The following GABRD variants were observed in gnomAD, a reference collection of about 807,000 sequenced individuals.
GABRD encodes the protein gamma-aminobutyric acid receptor subunit delta.
In GABRD, 25 loss-of-function variants were observed where a neutral mutation model predicts 47.3. The ratio of observed to expected loss-of-function variants is 0.53; its 90% CI spans 0.39 to 0.74. The LOEUF is 0.74. Among genes scored for constraint, GABRD ranks in the 30% least tolerant of loss-of-function variants. GABRD has a pLI of 0.00. For missense variants in GABRD, 497 were observed against 643.4 expected, an observed-to-expected ratio of 0.77 and a Z score of 2.46; for synonymous variants, 314 against 278.8, an observed-to-expected ratio of 1.13 and a Z score of -1.26.
chr1:2,029,729 G>A lies in GABRD; in HGVS notation c.1026G>A (p.Lys342=), dbSNP rs780175857. The change falls in exon 8 of 9, where the codon AAG becomes AAA. Residue 342 remains lysine, a synonymous_variant. Transcript: ENST00000378585. ...ACGCCGACTACAGGAAGAAGCAGAA[G>A]GCCAAGGTCAAGGTCTCCAGGCCGA... ...HFNADYRKKQ[K]AKVKVSRPRA... 1.9e-6 allele frequency: 3 copies of A among 1,613,328 alleles called. No individual in the cohort carries two copies. The highest frequency in any genetic ancestry group is 2.5e-6 in the Non-Finnish European group (3 of 1,180,022).
chr1:2,029,113 G>A lies in GABRD; in HGVS notation c.694G>A (p.Gly232Ser). 6.5e-7 allele frequency: 1 copy of A among 1,541,230 alleles called. No individual in the cohort carries two copies. Among genetic ancestry groups the A allele is most frequent in the Non-Finnish European group, 8.7e-7 (1 of 1,146,902 alleles). Residue 232 changes from glycine (G) to serine (S), a missense_variant and splice_region_variant, in exon 7 of 9, where the codon GGC becomes AGC. Coordinates refer to ENST00000378585, the MANE Select transcript of GABRD (RefSeq NM_000815.5). ...ACTGACGGTGGCTGTCCTGGCAGCT[G>A]GCCAGTTCCCACGGCTCAGCCTGCA... is the stretch of plus-strand genomic sequence containing the variant. The part of the protein sequence containing the change: ...TTELMNFKSA[G>S]QFPRLSLHFH...
At chr1:2,022,678 T>C (rs749961267) in intron 1 of GABRD, among the ~76,000 whole-genome samples, 1 of 152,284 alleles carries the variant, frequency 6.6e-6, no homozygotes, top group Non-Finnish European at 1.5e-5. Flanking sequence ...GCATTTTTAA[T>C]TGGCCGGGAC....
In GABRD at chr1:2,027,318, G is replaced by A. The variant is rs1217015060; in HGVS notation, c.471-259G>A. The stretch of plus-strand genomic sequence containing the variant: ...GGGTGTGAAGGCTGTCCCCTGCCCC[G>A]TAGGCCCCCAGCCTAGTTCAATAGT... On this transcript the variant is annotated intron_variant, in intron 4 of 8. Coordinates refer to ENST00000378585, the MANE Select transcript of GABRD (RefSeq NM_000815.5). 1.7e-5 allele frequency: 9 copies of A among 526,906 alleles called. 1 individual carries two copies. The highest frequency in any genetic ancestry group is 3.0e-5 in the Admixed American group (1 of 33,652). 32.6% of individuals were successfully genotyped at this position (526,906 alleles called of 1,614,324 possible).
chr1:2,023,847 G>A (rs920975278), intron 1 of GABRD: 3 of 152,220 alleles, frequency 2.0e-5, no homozygotes, highest in Non-Finnish European at 2.9e-5. Context: ...AACAACAGAC[G>A]CCTATTCTCT....
chr1:2,027,545 C>T (rs1167692350), intron 4 of GABRD, 32 bp from the exon 5 acceptor site: 1 of 1,595,910 alleles, frequency 6.3e-7, no homozygotes, highest in Non-Finnish European at 8.6e-7. Context: ...GGCCTCACCC[C>T]CAAGGCCTCA....
At position 2,025,097 on chromosome 1, in the gene GABRD, C is replaced by T. The variant is rs751788472; in HGVS notation, c.181+43C>T. On this transcript the variant is annotated intron_variant, in intron 2 of 8. Transcript: ENST00000378585. The stretch of plus-strand genomic sequence containing the variant: ...CCCGGCAGGCAGGAGCCGCTGGAGC[C>T]CAGGCTAGGCCGTGGCTGTGTGGCC... The T allele has an allele frequency of 6.1e-5, 93 of 1,525,736 alleles. No homozygotes were observed. In the South Asian group the frequency reaches 9.7e-4, roughly 16 times the overall value. The allele number at this position is 1,525,736 out of a possible 1,614,324, so 94.5% of individuals were successfully genotyped here.
rs773911493 is a variant in GABRD at position 2,024,969 on chromosome 1, G to A, written c.96G>A (p.Val32=). The change falls in exon 2 of 9, where the codon GTG becomes GTA. Residue 32 remains valine (V), a synonymous_variant. Coordinates refer to ENST00000378585, the MANE Select transcript of GABRD (RefSeq NM_000815.5). ...TRAMNDIGDY[V]GSNLEISWLP... is the part of the protein sequence containing the mutation. ...CGATGAATGACATCGGCGACTACGT[G>A]GGCTCCAACCTGGAGATCTCCTGGC... 3.1e-6 allele frequency: 5 copies of A among 1,612,872 alleles called. No individual in the cohort carries two copies. Among genetic ancestry groups the A allele is most frequent in the Non-Finnish European group, 4.2e-6 (5 of 1,179,780 alleles).
intron 1 of GABRD, among the ~76,000 whole-genome samples, chr1:2,023,172 A>C (rs1314540234): frequency 1.3e-5 from 2 of 152,104 alleles, no homozygotes; most frequent in African/African-American, 4.8e-5. Context: ...GGACCTGCTC[A>C]TGCAGCTCCC....
In GABRD at chr1:2,029,327, C is replaced by T. The variant is rs1659019257; in HGVS notation, c.847+61C>T. ...AGGGCGGCCCTGGGGAACAGGACTCCCCATCCCTCGGCTGGGGGCTCAGCA... is the reference window on the plus strand; with the variant it reads ...AGGGCGGCCCTGGGGAACAGGACTCTCCATCCCTCGGCTGGGGGCTCAGCA... On this transcript the variant is annotated intron_variant, in intron 7 of 8. Coordinates refer to ENST00000378585, the MANE Select transcript of GABRD (RefSeq NM_000815.5). 4.0e-6 allele frequency: 6 copies of T among 1,513,468 alleles called. No homozygotes were observed. In the Admixed American group the frequency reaches 1.2e-4, roughly 31 times the overall value. 93.8% of individuals were successfully genotyped at this position (1,513,468 alleles called of 1,614,324 possible). A position where few individuals can be genotyped will look rare whatever the true frequency, so the allele number is the denominator to read the frequency against.
At position 2,030,131 on chromosome 1, in the gene GABRD, A is replaced by C. The variant is rs41309443; in HGVS notation, c.1208A>C (p.Lys403Thr). ...GGGGTGGAGACAGGGGAGACGAAGA[A>C]GGAGGGGGCAGCCCGCTCAGGAGGC... ...SVGVETGETK[K>T]EGAARSGGQG... is the part of the protein sequence containing the mutation. The change falls in exon 9 of 9, where the codon AAG becomes ACG. Residue 403 changes from lysine to threonine, a missense_variant. Coordinates refer to ENST00000378585, the MANE Select transcript of GABRD (RefSeq NM_000815.5). The C allele has an allele frequency of 5.1e-6, 8 of 1,579,514 alleles. No individual in the cohort carries two copies. The highest frequency in any genetic ancestry group is 6.0e-6 in the Non-Finnish European group (7 of 1,161,924).
intron 1 of GABRD, among the ~76,000 whole-genome samples, chr1:2,021,399 G>C (rs1658774063): frequency 6.6e-6 from 1 of 152,080 alleles, no homozygotes; most frequent in Non-Finnish European, 1.5e-5. Context: ...GGGCCTCTCT[G>C]TATCTGTGCC....
At chr1:2,027,713 A>C in intron 5 of GABRD, 54 bp downstream of exon 5, 2 of 1,495,456 alleles carry the variant, frequency 1.3e-6, no homozygotes, top group Non-Finnish European at 9.3e-7. Flanking sequence ...ATGGGGGCTC[A>C]GACTGTCAGC....
rs778846634 is a variant in GABRD, at chr1:2,025,374, C to T, written c.222C>T (p.Ser74=). Reference sequence around the variant, plus strand: ...TGGCCCTTGCCCTGGAGGTGGCCAGCATCGACCACATCTCAGAGGCCAACA... The same window carrying T: ...TGGCCCTTGCCCTGGAGGTGGCCAGTATCGACCACATCTCAGAGGCCAACA... ...VNVALALEVA[S]IDHISEANME... The change falls in exon 3 of 9, where the codon AGC becomes AGT. Residue 74 remains serine (S), a synonymous_variant. Transcript: ENST00000378585. 1.1e-5 allele frequency: 18 copies of T among 1,612,938 alleles called. No individual in the cohort carries two copies. Among genetic ancestry groups the T allele is most frequent in the Non-Finnish European group, 1.5e-5 (18 of 1,180,000 alleles).
At chr1:2,026,367 G>A (rs1158365877) in intron 4 of GABRD, among the ~76,000 whole-genome samples, 1 of 152,238 alleles carries the variant, frequency 6.6e-6, no homozygotes, top group Admixed American at 6.5e-5. Flanking sequence ...GATGGCCCAC[G>A]GCAGGGGCGC....
chr1:2,030,027 C>T lies in GABRD; in HGVS notation c.1104C>T (p.Ala368=), dbSNP rs28398772. The change falls in exon 9 of 9, where the codon GCC becomes GCT. Residue 368 remains alanine, a synonymous_variant. Transcript: ENST00000378585. ...NAIVLFSLSA[A]GVTQELAISR... ...TTGTCCTCTTCTCCCTCTCTGCTGC[C>T]GGCGTCACGCAGGAGCTGGCCATCT... The T allele has an allele frequency of 0.032, 51,667 of 1,612,650 alleles. 1,063 individuals carry two copies. Among genetic ancestry groups the T allele is most frequent in the East Asian group, 0.1 (4,576 of 44,878 alleles).
chr1:2,021,835 C>A (rs750120822), intron 1 of GABRD, among the ~76,000 whole-genome samples: 3 of 152,178 alleles, frequency 2.0e-5, no homozygotes, highest in Non-Finnish European at 2.9e-5. Context: ...GCTGGGTGTG[C>A]GCCGTGGAGA....
At chr1:2,025,308 T>C in intron 2 of GABRD, 26 bp from the exon 3 acceptor site, 1 of 1,612,924 alleles carries the variant, frequency 6.2e-7, no homozygotes, top group African/African-American at 1.3e-5. Flanking sequence ...GCCTCAGTCC[T>C]TCTTAGTTCT....
intron 4 of GABRD, 134 bp downstream of exon 4, chr1:2,025,872 C>T (rs1211395422): frequency 8.6e-6 from 6 of 698,614 alleles, no homozygotes; most frequent in Non-Finnish European, 1.4e-5. Flanking sequence ...GAGGGGGGGG[C>T]AGAAGCTGCG....
chr1:2,029,796 G>A lies in GABRD; in HGVS notation c.1059+34G>A, dbSNP rs770693073. 13 of 1,592,984 alleles carry A rather than the reference G, an allele frequency of 8.2e-6. No homozygotes were observed. The Admixed American group carries it at 1.8e-4, about 23-fold the overall frequency. On this transcript the variant is annotated intron_variant, in intron 8 of 8. Transcript: ENST00000378585. Reference sequence around the variant, plus strand: ...CTGGGGCCGAGCCAGGGACAGCACTGCTGGGGGCCCCAACCAGGACCCTTC... The same window carrying A: ...CTGGGGCCGAGCCAGGGACAGCACTACTGGGGGCCCCAACCAGGACCCTTC...
Sources: gnomAD v4.1 joint callset for allele counts (sites outside exome capture counted in the v4.1 genomes callset) on GRCh38, gnomAD v4.1.1 for gene constraint, MANE v1.5 for transcripts, NCBI Gene and HGNC (gene_info 2026-07-23, HGNC 2026-07-21) for gene names.